DPY19L3: variants seen among roughly 807,000 people sequenced by gnomAD.
DPY19L3 encodes the protein protein C-mannosyl-transferase DPY19L3.
Under a neutral mutation model 92.3 loss-of-function variants are expected in DPY19L3, and 51 were observed. The observed-to-expected ratio is 0.55, with a 90% CI of 0.44 to 0.70. DPY19L3 has a LOEUF of 0.70. DPY19L3 is among the 30% of genes least tolerant of loss of function. DPY19L3 has a pLI of 0.00. For missense variants in DPY19L3, 706 were observed against 855.9 expected (o/e 0.82, Z 2.18); for synonymous variants, 309 against 315.2 (o/e 0.98, Z 0.21).
intron 3 of DPY19L3, among the ~76,000 whole-genome samples, chr19:32,430,086 G>A (rs1181197103): frequency 6.6e-6 from 1 of 152,172 alleles, no homozygotes; most frequent in Non-Finnish European, 1.5e-5. Context: ...ACGCAAGTGT[G>A]TTATTGAAAT....
chr19:32,457,693 A>G (rs533910409), intron 10 of DPY19L3, among the ~76,000 whole-genome samples: 4 of 152,302 alleles, frequency 2.6e-5, no homozygotes, highest in African/African-American at 9.6e-5. Flanking sequence ...ACAGACCAAA[A>G]GCCCCAAAGC....
intron 3 of DPY19L3, among the ~76,000 whole-genome samples, chr19:32,416,953 G>A (rs533360294): frequency 6.6e-6 from 1 of 152,328 alleles, no homozygotes; most frequent in East Asian, 1.9e-4. Flanking sequence ...GGCTTGGCCA[G>A]CCCCAATCCT....
chr19:32,408,301 T>A lies in DPY19L3; in HGVS notation c.48T>A (p.Ser16=), dbSNP rs144393122. The A allele has an allele frequency of 6.8e-6, 11 of 1,613,906 alleles. No individual in the cohort carries two copies. In the African/African-American group the frequency reaches 1.5e-4, roughly 22 times the overall value. ...QRREIRATEV[S]EDFPAQEENV... Reference sequence around the variant, plus strand: ...GAGAAATAAGAGCCACAGAAGTTTCTGAAGACTTTCCAGCCCAAGAAGAAA... The same window carrying A: ...GAGAAATAAGAGCCACAGAAGTTTCAGAAGACTTTCCAGCCCAAGAAGAAA... The change falls in exon 2 of 19, where the codon TCT becomes TCA. Residue 16 remains serine, a synonymous_variant. Transcript: ENST00000392250.
chr19:32,480,983 C>G (rs938164138), intron 18 of DPY19L3: 2 of 402,302 alleles, frequency 5.0e-6, no homozygotes, highest in African/African-American at 4.1e-5. Flanking sequence ...GTGGATTCCC[C>G]CTACCCCTCC....
intron 12 of DPY19L3, among the ~76,000 whole-genome samples, chr19:32,460,589 A>G (rs1373636126): frequency 6.6e-6 from 1 of 152,200 alleles, no homozygotes; most frequent in Non-Finnish European, 1.5e-5. Context: ...CTTAGGCTAC[A>G]GTAAATCTAT....
chr19:32,460,953 C>T (rs1466535953), intron 12 of DPY19L3, among the ~76,000 whole-genome samples: 3 of 152,126 alleles, frequency 2.0e-5, no homozygotes, highest in Admixed American at 6.5e-5. Flanking sequence ...GCAACCTCTG[C>T]CTTCCGGGTT....
rs989138190 is a variant in DPY19L3 at position 32,468,823 on chromosome 19, T to A, written c.1697+10T>A. On this transcript the variant is annotated intron_variant, in intron 16 of 18. Transcript: ENST00000392250. ...TGATGAACTGGATTAAGTAAGAGGATTTTTTTTAACTTTTAAAATTTTAAG... is the reference window on the plus strand; with the variant it reads ...TGATGAACTGGATTAAGTAAGAGGAATTTTTTTAACTTTTAAAATTTTAAG... 6.2e-7 allele frequency: 1 copy of A among 1,605,648 alleles called. No individual in the cohort carries two copies. Among genetic ancestry groups the A allele is most frequent in the Non-Finnish European group, 8.5e-7 (1 of 1,176,198 alleles).
rs541180950 is a variant in DPY19L3 at position 32,466,896 on chromosome 19, T to G, written c.1615-1835T>G. ...TGGGTATGAGGGGTTACCCTGAAACTGAATCTGTTTTCCAACTATTCCAGC... is the reference window on the plus strand; with the variant it reads ...TGGGTATGAGGGGTTACCCTGAAACGGAATCTGTTTTCCAACTATTCCAGC... On this transcript the variant is annotated intron_variant, in intron 15 of 18. Coordinates refer to ENST00000392250, the MANE Select transcript of DPY19L3 (RefSeq NM_001172774.2). Among the ~76,000 whole-genome samples, 16 of 152,378 alleles carry G rather than the reference T, an allele frequency of 1.1e-4. No individual in the cohort carries two copies. In the East Asian group the frequency reaches 3.1e-3, roughly 29 times the overall value.
intron 3 of DPY19L3, among the ~76,000 whole-genome samples, chr19:32,432,111 T>G (rs1241530600): frequency 1.3e-5 from 2 of 152,206 alleles, no homozygotes; most frequent in Admixed American, 6.5e-5. Context: ...TTGCTTCTGT[T>G]TTATAGTAAT....
intron 18 of DPY19L3, chr19:32,480,913 G>C (rs562714554): frequency 2.3e-6 from 1 of 426,272 alleles, no homozygotes; most frequent in East Asian, 3.5e-5. Context: ...CCAACGCTTC[G>C]TATTGGCTAG....
chr19:32,458,080 G>T lies in DPY19L3; in HGVS notation c.1090-20G>T. The T allele has an allele frequency of 6.3e-7, 1 of 1,596,620 alleles. No homozygotes were observed. Among genetic ancestry groups the T allele is most frequent in the Non-Finnish European group, 8.5e-7 (1 of 1,170,946 alleles). Reference sequence around the variant, plus strand: ...GCCTAAAGGACTAATAGCAATTTTTGTTTTCTCTTTCCCCGATAGAAAATT... The same window carrying T: ...GCCTAAAGGACTAATAGCAATTTTTTTTTTCTCTTTCCCCGATAGAAAATT... On this transcript the variant is annotated intron_variant, in intron 10 of 18. Coordinates refer to ENST00000392250, the MANE Select transcript of DPY19L3 (RefSeq NM_001172774.2).
intron 3 of DPY19L3, among the ~76,000 whole-genome samples, chr19:32,422,464 G>A (rs1036505465): frequency 6.6e-5 from 10 of 152,158 alleles, no homozygotes; most frequent in African/African-American, 2.4e-4. Context: ...TCCGTAGAAT[G>A]TACAGAAAGA....
rs578260800 is a variant in DPY19L3 at position 32,447,771 on chromosome 19, A to T, written c.856-5374A>T. Among the ~76,000 whole-genome samples the T allele has an allele frequency of 2.5e-3, 295 of 120,082 alleles. 2 individuals carry two copies. Among genetic ancestry groups the T allele is most frequent in the African/African-American group, 8.8e-3 (248 of 28,198 alleles). 78.8% of individuals were successfully genotyped at this position (120,082 alleles called of 152,430 possible). The stretch of plus-strand genomic sequence containing the variant: ...TAGATAGATAGATAGATAGATAGAT[A>T]GATAGATTAGATAAGATACTCCATC... On this transcript the variant is annotated intron_variant, in intron 8 of 18. Coordinates refer to ENST00000392250, the MANE Select transcript of DPY19L3 (RefSeq NM_001172774.2).
At chr19:32,470,529 C>T (rs1231585789) in intron 16 of DPY19L3, among the ~76,000 whole-genome samples, 3 of 152,132 alleles carry the variant, frequency 2.0e-5, no homozygotes, top group Non-Finnish European at 4.4e-5. Context: ...TAGCAGAGCC[C>T]CAGGTTATCT....
chr19:32,438,963 A>T (rs1336115392), intron 6 of DPY19L3, 149 bp from the exon 7 acceptor site: 1 of 773,694 alleles, frequency 1.3e-6, no homozygotes, highest in Non-Finnish European at 2.1e-6. Flanking sequence ...GATGATGATG[A>T]TGATGATGAT....
At chr19:32,416,170 T>A (rs554479100) in intron 3 of DPY19L3, among the ~76,000 whole-genome samples, 1 of 151,992 alleles carries the variant, frequency 6.6e-6, no homozygotes, top group East Asian at 1.9e-4. Context: ...AGTTGCAGAG[T>A]CGTGAACAGA....
chr19:32,406,657 C>G (rs188348412), intron 1 of DPY19L3, among the ~76,000 whole-genome samples: 7 of 152,318 alleles, frequency 4.6e-5, no homozygotes, highest in Non-Finnish European at 5.9e-5. Context: ...TAGCGCTAGT[C>G]GTCCTTATTA....
At chr19:32,453,849 C>G (rs1226768157) in intron 9 of DPY19L3, among the ~76,000 whole-genome samples, 2 of 152,042 alleles carry the variant, frequency 1.3e-5, no homozygotes, top group Non-Finnish European at 2.9e-5. Context: ...CAATGACTTG[C>G]TCTTTTAGCT....
rs1970636842 is a variant in DPY19L3 at position 32,480,422 on chromosome 19, G to T, written c.1854G>T (p.Arg618Ser). 1.9e-6 allele frequency: 3 copies of T among 1,612,244 alleles called. No homozygotes were observed. Among genetic ancestry groups the T allele is most frequent in the Non-Finnish European group, 2.5e-6 (3 of 1,179,420 alleles). Reference sequence around the variant, plus strand: ...AGGTTTATCAGATATATGCCAAGAGGGCACCAGAGGAAGTGCATGCCCTCC... The same window carrying T: ...AGGTTTATCAGATATATGCCAAGAGTGCACCAGAGGAAGTGCATGCCCTCC... Reference protein sequence around the residue: ...TRAVYQIYAKRAPEEVHALLR... With the variant: ...TRAVYQIYAKSAPEEVHALLR... The change falls in exon 18 of 19, where the codon AGG becomes AGT. Residue 618 changes from arginine to serine, a missense_variant. Transcript: ENST00000392250.
Sources: gnomAD v4.1 joint callset for allele counts (sites outside exome capture counted in the v4.1 genomes callset) on GRCh38, gnomAD v4.1.1 for gene constraint, MANE v1.5 for transcripts, NCBI Gene and HGNC (gene_info 2026-07-23, HGNC 2026-07-21) for gene names.